The following ZNF536 variants were observed in gnomAD, a reference collection of about 807,000 sequenced individuals.
ZNF536 encodes zinc finger protein 536.
ZNF536 carries 13 observed loss-of-function variants against 84.5 expected under a neutral mutation model. That is an observed-to-expected ratio of 0.15 (90% CI 0.10 to 0.24). The LOEUF (loss-of-function observed/expected upper bound fraction) is 0.24. ZNF536 is among the 10% of genes least tolerant of loss of function. ZNF536 has a pLI of 1.00. For synonymous variants in ZNF536, 811 were observed against 742.5 expected, an observed-to-expected ratio of 1.09 and a Z score of -1.50; for missense variants, 1,536 against 1,747.5, an observed-to-expected ratio of 0.88 and a Z score of 2.16.
intron 2 of ZNF536, among the ~76,000 whole-genome samples, chr19:30,513,744 C>T (rs1475663991): frequency 1.3e-5 from 2 of 152,080 alleles, no homozygotes; most frequent in Non-Finnish European, 2.9e-5. Context: ...AAACACAGCT[C>T]CCGGTGGTCA....
At chr19:30,403,642 C>T (rs2050143705) in intron 1 of ZNF536, among the ~76,000 whole-genome samples, 1 of 152,184 alleles carries the variant, frequency 6.6e-6, no homozygotes, top group Non-Finnish European at 1.5e-5. Context: ...ATGCATACCT[C>T]CTGCAAACTT....
intron 1 of ZNF536, among the ~76,000 whole-genome samples, chr19:30,254,433 C>A (rs923551236): frequency 6.6e-6 from 1 of 151,874 alleles, no homozygotes; most frequent in Non-Finnish European, 1.5e-5. Flanking sequence ...AGGATTCATA[C>A]GCACGGTGTT....
intron 2 of ZNF536, among the ~76,000 whole-genome samples, chr19:30,350,850 T>C (rs2047908391): frequency 6.6e-6 from 1 of 152,236 alleles, no homozygotes; most frequent in Non-Finnish European, 1.5e-5. Flanking sequence ...TATGTTTCTA[T>C]TAGTATGTGT....
chr19:30,368,244 G>A (rs2048500954), upstream of ZNF536, among the ~76,000 whole-genome samples: 1 of 152,234 alleles, frequency 6.6e-6, no homozygotes, highest in South Asian at 2.1e-4. Flanking sequence ...CGAAACACAA[G>A]TCGTGTTCTT....
At chr19:30,712,484 C>G (rs749733085) in exon 2 of ZNF536, 1 of 151,610 alleles carries the variant, frequency 6.6e-6, no homozygotes, top group South Asian at 2.1e-4. Context: ...GATTAAACCC[C>G]AGGGCCTTAA....
downstream of ZNF536, among the ~76,000 whole-genome samples, chr19:30,560,854 C>G (rs376880026): frequency 6.6e-6 from 1 of 152,258 alleles, no homozygotes; most frequent in Non-Finnish European, 1.5e-5. Context: ...ATCCCCAAAT[C>G]GGCAGCAGTG....
At chr19:30,485,149 C>CATAAATAAATAA (rs199876994) in intron 2 of ZNF536, among the ~76,000 whole-genome samples, 3,074 of 146,342 alleles carry the variant, frequency 0.021, 49 homozygotes, top group African/African-American at 0.044. Flanking sequence ...GTCTCAAAAA[C>CATAAATAAATAA]ATAAATAAAT....
intron 2 of ZNF536, among the ~76,000 whole-genome samples, chr19:30,326,697 TC>T (rs1353723275): frequency 6.7e-6 from 1 of 148,190 alleles, no homozygotes; most frequent in Non-Finnish European, 1.5e-5. Context: ...CCTCCCCATC[TC>T]TGGCACAAAG....
intron 2 of ZNF536, among the ~76,000 whole-genome samples, chr19:30,348,809 C>T (rs970056584): frequency 5.6e-5 from 6 of 106,472 alleles, no homozygotes; most frequent in Non-Finnish European, 1.3e-4. Context: ...CTTTTTTTTT[C>T]TTTTCTTTTT....
At chr19:30,575,164 C>A (rs2046686607) in intron 1 of ZNF536, among the ~76,000 whole-genome samples, 1 of 152,206 alleles carries the variant, frequency 6.6e-6, no homozygotes, top group African/African-American at 2.4e-5. Flanking sequence ...AGCAAGCAAG[C>A]ATTGATGGAA....
chr19:30,280,094 T>C (rs1273954643), intron 1 of ZNF536, among the ~76,000 whole-genome samples: 1 of 151,998 alleles, frequency 6.6e-6, no homozygotes, highest in Non-Finnish European at 1.5e-5. Flanking sequence ...CCTCGCACCT[T>C]TCCTCCCAAC....
chr19:30,616,889 C>A (rs1017862442), intron 1 of ZNF536, among the ~76,000 whole-genome samples: 3 of 152,024 alleles, frequency 2.0e-5, no homozygotes, highest in Non-Finnish European at 2.9e-5. Flanking sequence ...TCGGTAACTA[C>A]CCTTTTCACA....
intron 1 of ZNF536, among the ~76,000 whole-genome samples, chr19:30,647,020 C>G (rs554726107): frequency 5.9e-5 from 9 of 152,290 alleles, no homozygotes; most frequent in African/African-American, 2.2e-4. Context: ...CCCAAACTCC[C>G]CACCGCTGGA....
intron 3 of ZNF536, among the ~76,000 whole-genome samples, chr19:30,539,663 C>G (rs2045249298): frequency 6.6e-6 from 1 of 152,206 alleles, no homozygotes; most frequent in Non-Finnish European, 1.5e-5. Context: ...TTCTTTTCCT[C>G]CATGTCCCCT....
At chr19:30,698,819 T>G (rs928054554) in intron 1 of ZNF536, among the ~76,000 whole-genome samples, 6 of 152,220 alleles carry the variant, frequency 3.9e-5, no homozygotes, top group African/African-American at 1.4e-4. Context: ...GGAAGTCACT[T>G]GGCACAGTCC....
At chr19:30,540,650 G>A (rs1171143696) in intron 3 of ZNF536, among the ~76,000 whole-genome samples, 1 of 152,202 alleles carries the variant, frequency 6.6e-6, no homozygotes, top group Non-Finnish European at 1.5e-5. Flanking sequence ...TTGGATTAAA[G>A]GTTATAATCA....
intron 1 of ZNF536, among the ~76,000 whole-genome samples, chr19:30,270,769 A>T (rs1368106545): frequency 6.8e-6 from 1 of 147,280 alleles, no homozygotes; most frequent in Middle Eastern, 3.5e-3. Flanking sequence ...TTTTTTTTTT[A>T]AAGAACAATG....
chr19:30,297,876 CT>C (rs367560638), intron 2 of ZNF536, among the ~76,000 whole-genome samples: 2,989 of 138,890 alleles, frequency 0.022, 85 homozygotes, highest in African/African-American at 0.061. Flanking sequence ...AACTTCATGC[CT>C]TTTTTTTTTT....
At chr19:30,562,650 A>C (rs568907858), downstream of ZNF536, among the ~76,000 whole-genome samples, 1 of 152,174 alleles carries the variant, frequency 6.6e-6, no homozygotes, top group African/African-American at 2.4e-5. Context: ...CCAGTGTGTG[A>C]ATCCAGGAGT....
Sources: gnomAD v4.1 joint callset for allele counts (sites outside exome capture counted in the v4.1 genomes callset) on GRCh38, gnomAD v4.1.1 for gene constraint, MANE v1.5 for transcripts, NCBI Gene and HGNC (gene_info 2026-07-23, HGNC 2026-07-21) for gene names.